TNIK: variants seen among roughly 807,000 people sequenced by gnomAD.
TNIK encodes the protein TRAF2 and NCK interacting kinase, also known as TRAF2 and NCK-interacting protein kinase.
In TNIK, 49 loss-of-function variants were observed where a neutral mutation model predicts 191.3. That is an observed-to-expected ratio of 0.26 (90% CI 0.20 to 0.32). The LOEUF is 0.32. TNIK is among the 10% of genes least tolerant of loss of function. The pLI is 1.00. For synonymous variants in TNIK, 594 were observed against 600.9 expected, an observed-to-expected ratio of 0.99 and a Z score of 0.17; for missense variants, 1,155 against 1,702.3, an observed-to-expected ratio of 0.68 and a Z score of 5.66.
At chr3:171,210,984 T>C (rs774211859) in intron 4 of TNIK, 132 bp downstream of exon 4, 2 of 1,127,100 alleles carry the variant, frequency 1.8e-6, no homozygotes, top group African/African-American at 1.6e-5. Context: ...GAAAACAATA[T>C]GTTACGGACA....
At chr3:171,104,700 A>G (rs989260720) in intron 21 of TNIK, among the ~76,000 whole-genome samples, 1 of 151,924 alleles carries the variant, frequency 6.6e-6, no homozygotes, top group African/African-American at 2.4e-5. Flanking sequence ...TTGTTTAAAA[A>G]TTTTTAGCTT....
intron 12 of TNIK, among the ~76,000 whole-genome samples, chr3:171,145,109 T>C (rs1731369482): frequency 6.8e-6 from 1 of 146,618 alleles, no homozygotes; most frequent in Admixed American, 6.9e-5. Context: ...TTTTTTGAGA[T>C]GGAGTCTTGC....
At chr3:171,272,038 A>G in intron 2 of TNIK, among the ~76,000 whole-genome samples, 1 of 152,242 alleles carries the variant, frequency 6.6e-6, no homozygotes, top group African/African-American at 2.4e-5. Flanking sequence ...AACTGGGTCC[A>G]TAGAAGGAGT....
At chr3:171,082,506 CA>C (rs1720822836) in intron 26 of TNIK, 112 bp from the exon 27 acceptor site, 2 of 1,216,472 alleles carry the variant, frequency 1.6e-6, no homozygotes, top group Admixed American at 2.6e-5. Flanking sequence ...CACTAATGGG[CA>C]AGTAGGTAAA....
intron 2 of TNIK, among the ~76,000 whole-genome samples, chr3:171,296,531 G>T (rs1236862034): frequency 1.3e-5 from 2 of 152,120 alleles, no homozygotes; most frequent in Admixed American, 6.6e-5. Flanking sequence ...ATGGACTGTG[G>T]GTTCTGGAGC....
intron 25 of TNIK, 116 bp from the exon 26 acceptor site, chr3:171,084,441 A>G (rs752749986): frequency 8.6e-6 from 10 of 1,156,088 alleles, no homozygotes; most frequent in Non-Finnish European, 1.2e-5. Flanking sequence ...AAAGGCAAGG[A>G]AACTCTGAAA....
chr3:171,233,121 C>T (rs187418663), intron 2 of TNIK, among the ~76,000 whole-genome samples: 9 of 152,324 alleles, frequency 5.9e-5, no homozygotes, highest in Non-Finnish European at 1.2e-4. Context: ...TGTCTTCATC[C>T]TCCTGCCAAA....
In TNIK at chr3:171,149,482, C is replaced by T. The variant is rs747857393; in HGVS notation, c.1221+7978G>A. 1.1e-4 allele frequency among the ~76,000 whole-genome samples: 16 copies of T among 152,302 alleles called. No homozygotes were observed. In the South Asian group the frequency reaches 1.9e-3, roughly 18 times the overall value. ...AAAATAGGGATGTCAGCCCAACTCC[C>T]GCACTGTGGCAGGAAATCCCTCCCA... On this transcript the variant is annotated intron_variant, in intron 12 of 32. Transcript: ENST00000436636.
chr3:171,138,497 A>C (rs1465279023), intron 14 of TNIK, 118 bp from the exon 15 acceptor site: 1 of 929,128 alleles, frequency 1.1e-6, no homozygotes, highest in Non-Finnish European at 1.5e-6. Flanking sequence ...AAAGGATCTT[A>C]ATACCAACAG....
In TNIK at chr3:171,110,707, G is replaced by A; in HGVS notation, c.2284+7C>T. 4 of 1,580,750 alleles carry A rather than the reference G, an allele frequency of 2.5e-6. No individual in the cohort carries two copies. The highest frequency in any genetic ancestry group is 2.6e-6 in the Non-Finnish European group (3 of 1,162,600). ...TATTGCCAGGTAAAGGTAAGAGAAA[G>A]TTTTACCTCGAACTCTGGTGCGTTC... On this transcript the variant is annotated splice_region_variant and intron_variant, in intron 19 of 32. Transcript: ENST00000436636.
intron 2 of TNIK, among the ~76,000 whole-genome samples, chr3:171,287,222 A>G (rs556725529): frequency 5.3e-5 from 8 of 152,320 alleles, no homozygotes; most frequent in African/African-American, 1.9e-4. Context: ...AACAAAAAAA[A>G]CCCTCAAAAT....
At chr3:171,066,862 C>T in intron 30 of TNIK, 127 bp from the exon 31 acceptor site, 1 of 1,209,816 alleles carries the variant, frequency 8.3e-7, no homozygotes, top group Non-Finnish European at 1.1e-6. Flanking sequence ...CTGAAATTTG[C>T]TTTAATTTAA....
chr3:171,333,068 C>A lies in TNIK; in HGVS notation c.123+36552G>T, dbSNP rs373198690. On this transcript the variant is annotated intron_variant, in intron 2 of 32. Transcript: ENST00000436636. ...GTGATGTTCTTTGATGTTACAGCCACAACTCTTAGGGAAGAGGCCCCAGTT... is the reference window on the plus strand; with the variant it reads ...GTGATGTTCTTTGATGTTACAGCCAAAACTCTTAGGGAAGAGGCCCCAGTT... 1.4e-3 allele frequency among the ~76,000 whole-genome samples: 215 copies of A among 152,240 alleles called. 3 individuals carry two copies. In the South Asian group the frequency reaches 0.022, roughly 16 times the overall value.
At chr3:171,426,966 A>G (rs986779199) in intron 1 of TNIK, among the ~76,000 whole-genome samples, 4 of 152,232 alleles carry the variant, frequency 2.6e-5, no homozygotes, top group African/African-American at 4.8e-5. Flanking sequence ...ATCGTCCAAG[A>G]TAAGTGGAAG....
At chr3:171,327,928 A>AAAAAAAAAAAAAAAAAC (rs1560433753) in intron 2 of TNIK, among the ~76,000 whole-genome samples, 7 of 129,466 alleles carry the variant, frequency 5.4e-5, no homozygotes, top group African/African-American at 1.9e-4. Flanking sequence ...AAAAAAAAAA[A>AAAAAAAAAAAAAAAAAC]AAATCACTTG....
chr3:171,313,734 G>A (rs1035418250), intron 2 of TNIK, among the ~76,000 whole-genome samples: 8 of 152,102 alleles, frequency 5.3e-5, no homozygotes, highest in African/African-American at 1.7e-4. Context: ...CTGTCACCAC[G>A]AGAGCTGCAC....
intron 2 of TNIK, among the ~76,000 whole-genome samples, chr3:171,249,515 C>T (rs1047711862): frequency 6.6e-6 from 1 of 152,140 alleles, no homozygotes; most frequent in Non-Finnish European, 1.5e-5. Flanking sequence ...TTAGGGGCCT[C>T]CTGCAGTGAG....
intron 2 of TNIK, among the ~76,000 whole-genome samples, chr3:171,279,214 C>G (rs945583059): frequency 2.0e-5 from 3 of 151,806 alleles, no homozygotes; most frequent in Admixed American, 6.6e-5. Flanking sequence ...TAAACTAAAA[C>G]AAAAGTCATC....
intron 21 of TNIK, chr3:171,106,838 C>G (rs1724979311): frequency 1.4e-5 from 7 of 517,832 alleles, no homozygotes; most frequent in South Asian, 1.1e-4. Flanking sequence ...GTTAGTAAAA[C>G]TGCTGAGAGC....
Sources: allele counts gnomAD v4.1 joint callset (sites outside exome capture counted in the v4.1 genomes callset), GRCh38; gene constraint gnomAD v4.1.1; transcripts MANE v1.5; gene names NCBI Gene and HGNC (gene_info 2026-07-23, HGNC 2026-07-21).